Variants in CEP43 observed in about 807,000 individuals in gnomAD.
CEP43 encodes centrosomal protein 43.
A neutral mutation model predicts 52.6 loss-of-function variants in CEP43; 36 were observed. The ratio of observed to expected loss-of-function variants is 0.68; its 90% CI spans 0.52 to 0.90. The LOEUF (loss-of-function observed/expected upper bound fraction) is 0.90, where lower values mean the gene tolerates loss of function less well. CEP43 is among the 40% of genes least tolerant of loss of function. The pLI is 0.00. For missense variants in CEP43, 506 were observed against 472.8 expected (o/e 1.07, Z -0.65); for synonymous variants, 192 against 172.4 (o/e 1.11, Z -0.89).
At position 167,022,443 on chromosome 6, in the gene CEP43, G is replaced by A; in HGVS notation, c.614G>A (p.Ser205Asn). 1 of 1,614,080 alleles carries A rather than the reference G, an allele frequency of 6.2e-7. No individual in the cohort carries two copies. The highest frequency in any genetic ancestry group is 2.2e-5 in the East Asian group (1 of 44,884). Residue 205 changes from serine to asparagine, a missense_variant, in exon 8 of 13, where the codon AGT becomes AAT. Physicochemically the swap from Ser to Asn is conservative, Grantham distance 46. Coordinates refer to ENST00000366847, the MANE Select transcript of CEP43 (RefSeq NM_007045.4). ...ANDEANQSDT[S>N]VSLSEPKSKS... ...GATGAGGCCAATCAGAGTGATACAA[G>A]TGTCTCCTTGTCAGAACCCAAGAGC...
At chr6:167,004,970 C>A (rs896843289) in intron 5 of CEP43, among the ~76,000 whole-genome samples, 1 of 152,050 alleles carries the variant, frequency 6.6e-6, no homozygotes, top group African/African-American at 2.4e-5. Context: ...TACTCTTAAC[C>A]TTTTTTTAGA....
chr6:167,032,996 C>G (rs1780502889), intron 11 of CEP43, among the ~76,000 whole-genome samples: 1 of 150,274 alleles, frequency 6.7e-6, no homozygotes, highest in South Asian at 2.1e-4. Flanking sequence ...GGAATTGTCT[C>G]AAAATTGACC....
intron 10 of CEP43, chr6:167,027,793 G>T (rs1293746215): frequency 2.5e-6 from 2 of 786,280 alleles, no homozygotes; most frequent in African/African-American, 1.9e-5. Context: ...GTAAATTAAA[G>T]TACAGTGGCT....
chr6:167,006,772 A>G (rs1257444924), intron 5 of CEP43, among the ~76,000 whole-genome samples: 3 of 152,156 alleles, frequency 2.0e-5, no homozygotes, highest in Admixed American at 2.0e-4. Context: ...TTGTTATTGT[A>G]TGGATGACTC....
rs1186352380 is a variant in CEP43 at position 167,049,836 on chromosome 6, A to G, written c.*9858A>G. The G allele has an allele frequency of 6.6e-6, 1 of 152,250 alleles. No individual in the cohort carries two copies. Among genetic ancestry groups the G allele is most frequent in the Non-Finnish European group, 1.5e-5 (1 of 68,052 alleles). The allele number at this position is 152,250 out of a possible 1,614,324, so 9.4% of individuals were successfully genotyped here. A position where few individuals can be genotyped will look rare whatever the true frequency, so the allele number is the denominator to read the frequency against. ...CATTTTATATCCCTACCAGCAATGCATGAAGCTTCCAGTTTCTCCACATCA... is the reference window on the plus strand; with the variant it reads ...CATTTTATATCCCTACCAGCAATGCGTGAAGCTTCCAGTTTCTCCACATCA... On this transcript the variant is annotated 3_prime_UTR_variant, in exon 13 of 13. Transcript: ENST00000366847.
Position 167,022,401 on chromosome 6 carries a change from C to G in CEP43, c.580-8C>G, listed in dbSNP as rs2128664040. The G allele has an allele frequency of 6.2e-7, 1 of 1,600,986 alleles. No homozygotes were observed. The highest frequency in any genetic ancestry group is 8.5e-7 in the Non-Finnish European group (1 of 1,170,488). On this transcript the variant is annotated splice_region_variant and splice_polypyrimidine_tract_variant and intron_variant, in intron 7 of 12. Coordinates refer to ENST00000366847, the MANE Select transcript of CEP43 (RefSeq NM_007045.4). The stretch of plus-strand genomic sequence containing the variant: ...AAGGAGGCCTTTTCTCTTTCCCTCT[C>G]TTTCTAGAAGGCCAATGATGAGGCC...
At chr6:167,013,426 G>T (rs1282996062) in intron 6 of CEP43, 82 bp from the exon 7 acceptor site, 1 of 1,126,332 alleles carries the variant, frequency 8.9e-7, no homozygotes, top group Non-Finnish European at 1.3e-6. Flanking sequence ...TTTTCAGTAG[G>T]TATCTTTGTT....
In CEP43 at chr6:167,051,982, T is replaced by C. The variant is rs1044350700; in HGVS notation, c.*12004T>C. ...AATTTTAATTTTTGTTTTCTATATG[T>C]CTCGTGTTTTTGTGGCTTTGCTTCT... is the stretch of plus-strand genomic sequence containing the variant. On this transcript the variant is annotated 3_prime_UTR_variant, in exon 13 of 13. Transcript: ENST00000366847. 6.6e-6 allele frequency: 1 copy of C among 152,180 alleles called. No homozygotes were observed. The highest frequency in any genetic ancestry group is 6.5e-5 in the Admixed American group (1 of 15,284). The allele number at this position is 152,180 out of a possible 1,614,324, so 9.4% of individuals were successfully genotyped here.
At chr6:167,027,282 G>A (rs1780376588) in intron 10 of CEP43, among the ~76,000 whole-genome samples, 1 of 152,180 alleles carries the variant, frequency 6.6e-6, no homozygotes, top group African/African-American at 2.4e-5. Flanking sequence ...GCCATATGTT[G>A]AGAGCACATT....
intron 12 of CEP43, among the ~76,000 whole-genome samples, chr6:167,035,288 G>T (rs759338324): frequency 2.6e-5 from 4 of 152,184 alleles, no homozygotes; most frequent in Non-Finnish European, 4.4e-5. Flanking sequence ...AAAGCCTTCT[G>T]TGTAGAGAAT....
At chr6:167,015,660 T>C (rs1472400253) in intron 7 of CEP43, among the ~76,000 whole-genome samples, 1 of 152,172 alleles carries the variant, frequency 6.6e-6, no homozygotes, top group African/African-American at 2.4e-5. Flanking sequence ...GAGTGTCGCA[T>C]GTGTCCGGTT....
rs1033230078 is a variant in CEP43 at position 167,050,373 on chromosome 6, A to C, written c.*10395A>C. On this transcript the variant is annotated 3_prime_UTR_variant, in exon 13 of 13. Coordinates refer to ENST00000366847, the MANE Select transcript of CEP43 (RefSeq NM_007045.4). ...TACCAAGCTGCGGCTATTTCTTCAT[A>C]GCAGTGTGAGAACGGACTAATACAG... 1 of 152,296 alleles carries C rather than the reference A, an allele frequency of 6.6e-6. No individual in the cohort carries two copies. Among genetic ancestry groups the C allele is most frequent in the East Asian group, 1.9e-4 (1 of 5,206 alleles). 9.4% of individuals were successfully genotyped at this position (152,296 alleles called of 1,614,324 possible).
At position 167,003,192 on chromosome 6, in the gene CEP43, G is replaced by T; in HGVS notation, c.157-1G>T. Reference sequence around the variant, plus strand: ...CACTTAAATTTTTTTTTTTTTAACAGAACAAAACTCCTTTAGTTAATGAGA... The same window carrying T: ...CACTTAAATTTTTTTTTTTTTAACATAACAAAACTCCTTTAGTTAATGAGA... On this transcript the variant is annotated splice_acceptor_variant, in intron 2 of 12. Coordinates refer to ENST00000366847, the MANE Select transcript of CEP43 (RefSeq NM_007045.4). LOFTEE classifies it high-confidence loss of function. The T allele has an allele frequency of 2.9e-6, 4 of 1,377,152 alleles. No individual in the cohort carries two copies. The highest frequency in any genetic ancestry group is 1.3e-5 in the South Asian group (1 of 74,330). 85.3% of individuals were successfully genotyped at this position (1,377,152 alleles called of 1,614,324 possible). A position where few individuals can be genotyped will look rare whatever the true frequency, so the allele number is the denominator to read the frequency against.
intron 6 of CEP43, among the ~76,000 whole-genome samples, 168 bp downstream of exon 6, chr6:167,011,061 AG>A (rs540530797): frequency 9.7e-4 from 147 of 151,998 alleles, no homozygotes; most frequent in East Asian, 3.5e-3. Flanking sequence ...TTAAAAAAAA[AG>A]TTTTGCTTTG....
chr6:167,009,850 TAAAAG>T (rs1301476517), intron 5 of CEP43, among the ~76,000 whole-genome samples: 3 of 143,880 alleles, frequency 2.1e-5, no homozygotes, highest in Middle Eastern at 3.2e-3. Context: ...AAAAGAAAAA[TAAAAG>T]AAAGAAAGAA....
chr6:167,003,389 C>A, intron 3 of CEP43, 142 bp downstream of exon 3: 1 of 526,638 alleles, frequency 1.9e-6, no homozygotes, highest in South Asian at 3.0e-5. Context: ...TTTTATTGTA[C>A]AACAATCGTG....
Position 167,024,908 on chromosome 6 carries a change from G to A in CEP43, c.919+14G>A. ...AAGACTCTGAGAGTAAGTGCCCAAA[G>A]ATGTGGACTTCAATACTCGGGATAT... On this transcript the variant is annotated intron_variant, in intron 9 of 12. Transcript: ENST00000366847. 1 of 1,363,854 alleles carries A rather than the reference G, an allele frequency of 7.3e-7. No individual in the cohort carries two copies. The highest frequency in any genetic ancestry group is 1.4e-5 in the African/African-American group (1 of 68,990). 84.5% of individuals were successfully genotyped at this position (1,363,854 alleles called of 1,614,324 possible).
chr6:166,999,507 G>A lies in CEP43; in HGVS notation c.95G>A (p.Arg32His). The A allele has an allele frequency of 3.5e-6, 5 of 1,444,782 alleles. No individual in the cohort carries two copies. Among genetic ancestry groups the A allele is most frequent in the Admixed American group, 2.5e-5 (1 of 39,410 alleles). The allele number at this position is 1,444,782 out of a possible 1,614,324, so 89.5% of individuals were successfully genotyped here. ...QTLENSGVLNRIKAELRAAVF... is the reference protein window; with the variant it reads ...QTLENSGVLNHIKAELRAAVF... ...CTGGAGAACAGCGGGGTCCTGAACCGCATCAAGGTGAGGCCGGAGGCTGGG... is the reference window on the plus strand; with the variant it reads ...CTGGAGAACAGCGGGGTCCTGAACCACATCAAGGTGAGGCCGGAGGCTGGG... Residue 32 changes from arginine to histidine, a missense_variant, in exon 1 of 13, where the codon CGC becomes CAC. Physicochemically the swap from Arg to His is conservative, Grantham distance 29 (BLOSUM62 0). Transcript: ENST00000366847.
chr6:167,037,670 A>G (rs2128668455), intron 12 of CEP43, among the ~76,000 whole-genome samples: 1 of 152,382 alleles, frequency 6.6e-6, no homozygotes, highest in African/African-American at 2.4e-5. Flanking sequence ...AAGAATAACA[A>G]AATGAGAGGA....
Sources: allele counts gnomAD v4.1 joint callset (sites outside exome capture counted in the v4.1 genomes callset), GRCh38; gene constraint gnomAD v4.1.1; transcripts MANE v1.5; gene names NCBI Gene and HGNC (gene_info 2026-07-23, HGNC 2026-07-21).